Variants in NT5C2 observed in about 807,000 individuals in gnomAD.
NT5C2 encodes 5'-nucleotidase, cytosolic II.
A neutral mutation model predicts 76.1 loss-of-function variants in NT5C2; 58 were observed. The observed-to-expected ratio is 0.76, with a 90% CI of 0.62 to 0.95. The LOEUF (loss-of-function observed/expected upper bound fraction) is 0.95. NT5C2 is among the 40% of genes least tolerant of loss of function. The pLI is 0.00. For synonymous variants in NT5C2, 229 were observed against 237.4 expected (o/e 0.96, Z 0.32); for missense variants, 478 against 690.3 (o/e 0.69, Z 3.45).
intron 1 of NT5C2, among the ~76,000 whole-genome samples, chr10:103,186,166 C>T (rs1040137347): frequency 1.3e-5 from 2 of 152,202 alleles, no homozygotes; most frequent in East Asian, 3.8e-4. Flanking sequence ...GCGTTCAAAA[C>T]CTGGCTCTAA....
chr10:103,125,317 T>C, intron 4 of NT5C2: 2 of 515,584 alleles, frequency 3.9e-6, no homozygotes, highest in South Asian at 1.8e-5. Context: ...AAAAAGACAA[T>C]GACTTTGGAG....
At chr10:103,094,086 T>G (rs774250658) in intron 13 of NT5C2, 48 bp from the exon 14 acceptor site, 1 of 1,492,870 alleles carries the variant, frequency 6.7e-7, no homozygotes, top group Non-Finnish European at 9.3e-7. Flanking sequence ...CCTATCACAA[T>G]CCTCCCCTCA....
At chr10:103,129,879 TG>T in intron 4 of NT5C2, among the ~76,000 whole-genome samples, 1 of 53,388 alleles carries the variant, frequency 1.9e-5, no homozygotes, top group Non-Finnish European at 3.3e-5. Flanking sequence ...GGGAGGGAGG[TG>T]GGGGTGTCAG....
intron 3 of NT5C2, among the ~76,000 whole-genome samples, chr10:103,156,227 G>A (rs1591553797): frequency 6.6e-6 from 1 of 152,146 alleles, no homozygotes; most frequent in African/African-American, 2.4e-5. Flanking sequence ...GGATACTGCT[G>A]TAATCTAGGA....
intron 8 of NT5C2, among the ~76,000 whole-genome samples, chr10:103,100,449 ATTTAGTG>A (rs1564956709): frequency 6.6e-6 from 1 of 152,130 alleles, no homozygotes; most frequent in Non-Finnish European, 1.5e-5. Flanking sequence ...TTTCCACCAA[ATTTAGTG>A]TCTTCAAGTG....
At chr10:103,171,480 A>C (rs555370864) in intron 3 of NT5C2, among the ~76,000 whole-genome samples, 8 of 152,308 alleles carry the variant, frequency 5.3e-5, no homozygotes, top group Admixed American at 1.3e-4. Flanking sequence ...CTAAGTGATT[A>C]AGAGTCATTT....
intron 4 of NT5C2, among the ~76,000 whole-genome samples, chr10:103,108,357 AACT>A (rs2071959879): frequency 6.6e-6 from 1 of 152,164 alleles, no homozygotes; most frequent in South Asian, 2.1e-4. Context: ...ATAATAATGC[AACT>A]ATTATTATTA....
rs544776006 is a variant in NT5C2, at chr10:103,088,767, T to G, written c.*905A>C. The G allele has an allele frequency of 1.1e-5, 2 of 181,422 alleles. No homozygotes were observed. The highest frequency in any genetic ancestry group is 2.0e-4 in the South Asian group (1 of 5,068). 11.2% of individuals were successfully genotyped at this position (181,422 alleles called of 1,614,324 possible). On this transcript the variant is annotated 3_prime_UTR_variant, in exon 19 of 19. Transcript: ENST00000404739. ...TAAGGTTCTGGCTTACAGAGCCCTC[T>G]TCCCATCCTCTGATGTTCAATTTTA...
chr10:103,093,599 G>A (rs570378840), intron 14 of NT5C2: 3 of 361,238 alleles, frequency 8.3e-6, no homozygotes, highest in East Asian at 8.9e-5. Context: ...TCACAAATCT[G>A]CCATTAAGCT....
At chr10:103,101,703 A>G (rs1297513522) in intron 6 of NT5C2, among the ~76,000 whole-genome samples, 1 of 151,622 alleles carries the variant, frequency 6.6e-6, no homozygotes, top group Non-Finnish European at 1.5e-5. Flanking sequence ...ACATACACAT[A>G]TAATTATAAG....
chr10:103,090,663 A>G lies in NT5C2; in HGVS notation c.1397T>C (p.Ile466Thr). The change falls in exon 18 of 19, where the codon ATC becomes ACC. Residue 466 changes from isoleucine to threonine, a missense_variant. By Grantham distance (89) the Ile-to-Thr change is moderately conservative (BLOSUM62 -1). Transcript: ENST00000404739. ...RYADLYAASF[I>T]NLLYYPFSYL... The stretch of plus-strand genomic sequence containing the variant: ...GCTGAAAGGGTAATACAGCAGGTTG[A>G]TGAAAGATGCTGCATAGAGGTCAGC... 6.2e-7 allele frequency: 1 copy of G among 1,614,202 alleles called. No homozygotes were observed. Among genetic ancestry groups the G allele is most frequent in the East Asian group, 2.2e-5 (1 of 44,878 alleles).
chr10:103,177,137 C>G (rs1280622966), intron 2 of NT5C2, among the ~76,000 whole-genome samples: 1 of 152,044 alleles, frequency 6.6e-6, no homozygotes, highest in Non-Finnish European at 1.5e-5. Flanking sequence ...GGCACAAATA[C>G]AAGCAATAAA....
intron 1 of NT5C2, among the ~76,000 whole-genome samples, chr10:103,186,238 G>A (rs1397505046): frequency 1.3e-5 from 2 of 152,160 alleles, no homozygotes; most frequent in African/African-American, 4.8e-5. Flanking sequence ...TTGCAAAACA[G>A]GTAGAGTTGG....
In NT5C2 at chr10:103,103,672, G is replaced by A. The variant is rs187058235; in HGVS notation, c.389+2034C>T. Among the ~76,000 whole-genome samples the A allele has an allele frequency of 2.3e-3, 343 of 152,196 alleles. 4 individuals carry two copies. Among genetic ancestry groups the A allele is most frequent in the African/African-American group, 7.8e-3 (325 of 41,538 alleles). ...ATGGGAAGAAAACAGTTACAGCACA[G>A]ATTACTACTAACTTTCTGTGACCCA... On this transcript the variant is annotated intron_variant, in intron 6 of 18. Transcript: ENST00000404739.
intron 3 of NT5C2, among the ~76,000 whole-genome samples, chr10:103,158,047 T>A (rs915757514): frequency 6.7e-6 from 1 of 149,684 alleles, no homozygotes; most frequent in Admixed American, 6.7e-5. Flanking sequence ...CACTCCAGCA[T>A]GACAACAGAG....
chr10:103,160,396 G>A (rs2084539619), intron 3 of NT5C2, among the ~76,000 whole-genome samples: 1 of 151,996 alleles, frequency 6.6e-6, no homozygotes, highest in Non-Finnish European at 1.5e-5. Context: ...ACATAAATTG[G>A]ACTTCACCGG....
intron 4 of NT5C2, among the ~76,000 whole-genome samples, chr10:103,136,437 A>T (rs1489571724): frequency 6.6e-6 from 1 of 152,226 alleles, no homozygotes; most frequent in African/African-American, 2.4e-5. Flanking sequence ...AATCTATGTA[A>T]TAAAGCACTT....
At chr10:103,147,783 C>A (rs2081727567) in intron 3 of NT5C2, among the ~76,000 whole-genome samples, 1 of 152,022 alleles carries the variant, frequency 6.6e-6, no homozygotes, top group Admixed American at 6.6e-5. Flanking sequence ...AAACTAGAAA[C>A]TTAATAGGGG....
At chr10:103,150,465 T>C (rs1394834236) in intron 3 of NT5C2, among the ~76,000 whole-genome samples, 1 of 152,216 alleles carries the variant, frequency 6.6e-6, no homozygotes, top group Non-Finnish European at 1.5e-5. Flanking sequence ...TCGACTATTA[T>C]AAATAATGCT....
Sources: allele counts gnomAD v4.1 joint callset (sites outside exome capture counted in the v4.1 genomes callset), GRCh38; gene constraint gnomAD v4.1.1; transcripts MANE v1.5; gene names NCBI Gene and HGNC (gene_info 2026-07-23, HGNC 2026-07-21).